TBL1X: variants seen among roughly 807,000 people sequenced by gnomAD.
TBL1X encodes the protein F-box-like/WD repeat-containing protein TBL1X.
Under a neutral mutation model 50.7 loss-of-function variants are expected in TBL1X, and 10 were observed. That is an observed-to-expected ratio of 0.20 (90% CI 0.12 to 0.33). TBL1X has a LOEUF of 0.33. Among genes scored for constraint, TBL1X ranks in the 10% least tolerant of loss-of-function variants. TBL1X has a pLI of 1.00. For synonymous variants in TBL1X, 190 were observed against 214.7 expected, an observed-to-expected ratio of 0.88 and a Z score of 1.01; for missense variants, 340 against 504.4, an observed-to-expected ratio of 0.67 and a Z score of 3.12.
intron 2 of TBL1X, among the ~76,000 whole-genome samples, chrX:9,537,059 CT>C (rs1310650347): frequency 9.0e-6 from 1 of 111,636 alleles, no homozygotes; most frequent in East Asian, 2.8e-4. Flanking sequence ...TACCAAAGAC[CT>C]CTCATGTAAT....
At chrX:9,693,804 C>T (rs1457728978) in intron 11 of TBL1X, among the ~76,000 whole-genome samples, 2 of 111,371 alleles carry the variant, frequency 1.8e-5, no homozygotes, top group South Asian at 3.9e-4. Context: ...CTTCAGGCTT[C>T]GGCTTTCCTC....
chrX:9,573,523 A>AT lies in TBL1X; in HGVS notation c.-130-66747dup, dbSNP rs763566349. On this transcript the variant is annotated intron_variant, in intron 2 of 17. Transcript: ENST00000645353. ...ATTCAGATAAGCAGGGAACAGATGG[A>AT]TTTATGGTGCTTGAAACCTCTGAAC... 1.7e-4 allele frequency among the ~76,000 whole-genome samples: 19 copies of AT among 112,766 alleles called. No individual in the cohort carries two copies. In the East Asian group the frequency reaches 5.3e-3, roughly 31 times the overall value.
chrX:9,631,959 G>T (rs1179498068), intron 2 of TBL1X, among the ~76,000 whole-genome samples: 2 of 112,288 alleles, frequency 1.8e-5, no homozygotes, highest in Non-Finnish European at 3.8e-5. Context: ...TTCTTTGAAA[G>T]ATATTTCATC....
chrX:9,467,035 C>T (rs746443023), intron 1 of TBL1X, among the ~76,000 whole-genome samples: 3 of 112,198 alleles, frequency 2.7e-5, no homozygotes, highest in African/African-American at 9.7e-5. Context: ...CAGAGAACTT[C>T]TCTCTGTCAG....
intron 1 of TBL1X, among the ~76,000 whole-genome samples, chrX:9,493,128 C>A (rs2081955890): frequency 9.0e-6 from 1 of 111,119 alleles, no homozygotes. Flanking sequence ...TGCCAGAATG[C>A]TTTCTAGGAA....
At chrX:9,482,368 A>G (rs1439327057) in intron 1 of TBL1X, among the ~76,000 whole-genome samples, 1 of 112,020 alleles carries the variant, frequency 8.9e-6, no homozygotes, top group Non-Finnish European at 1.9e-5. Context: ...TGCCTCTTAC[A>G]GAAGCTTAGC....
At chrX:9,687,517 GT>G (rs2083067002) in intron 6 of TBL1X, among the ~76,000 whole-genome samples, 1 of 111,176 alleles carries the variant, frequency 9.0e-6, no homozygotes, top group African/African-American at 3.3e-5. Context: ...TTGGGGCTGC[GT>G]GTTTCTCTGT....
At chrX:9,655,107 C>T (rs2082857975) in intron 5 of TBL1X, among the ~76,000 whole-genome samples, 1 of 111,589 alleles carries the variant, frequency 9.0e-6, no homozygotes, top group Admixed American at 9.5e-5. Context: ...TTTGTTATCT[C>T]CACGTGTTTA....
At position 9,648,271 on chromosome X, in the gene TBL1X, G is replaced by A. The variant is rs1196184524; in HGVS notation, c.-42-5274G>A. Among the ~76,000 whole-genome samples the A allele has an allele frequency of 1.0e-3, 117 of 112,121 alleles. 1 individual carries two copies. Among genetic ancestry groups the A allele is most frequent in the Non-Finnish European group, 3.0e-4 (16 of 53,196 alleles). On this transcript the variant is annotated intron_variant, in intron 3 of 17. Transcript: ENST00000645353. ...GTCATAACTGTCATAAGAAGTAATAGTTGCAATAAAAAGTAGTAATTGTAA... is the reference window on the plus strand; with the variant it reads ...GTCATAACTGTCATAAGAAGTAATAATTGCAATAAAAAGTAGTAATTGTAA...
chrX:9,691,809 C>T lies in TBL1X; in HGVS notation c.749+98C>T, dbSNP rs912821756. ...AGTTCTGCCTAAAGGAACACACACT[C>T]CCCTTCTTACCCCGGTGTGTGGGCA... On this transcript the variant is annotated intron_variant, in intron 8 of 17. Transcript: ENST00000645353. The T allele has an allele frequency of 2.8e-6, 3 of 1,063,074 alleles. No homozygotes were observed. In the Admixed American group the frequency reaches 8.0e-5, roughly 28 times the overall value. The allele number at this position is 1,063,074 out of a possible 1,213,427, so 87.6% of individuals were successfully genotyped here. A position where few individuals can be genotyped will look rare whatever the true frequency, so the allele number is the denominator to read the frequency against.
intron 2 of TBL1X, among the ~76,000 whole-genome samples, chrX:9,621,763 T>C (rs2082668035): frequency 8.9e-6 from 1 of 112,044 alleles, no homozygotes. Context: ...CACAAATTAA[T>C]ACAAATTTAA....
At chrX:9,616,954 T>C (rs1482462747) in intron 2 of TBL1X, among the ~76,000 whole-genome samples, 3 of 111,807 alleles carry the variant, frequency 2.7e-5, no homozygotes, top group Non-Finnish European at 5.6e-5. Context: ...CTTATACTTA[T>C]GGTGAACTTT....
chrX:9,533,871 G>A (rs2082174495), intron 2 of TBL1X, among the ~76,000 whole-genome samples: 1 of 111,456 alleles, frequency 9.0e-6, no homozygotes, highest in Admixed American at 9.5e-5. Context: ...TAGGTGCCAT[G>A]AAGGCTCTGC....
intron 2 of TBL1X, chrX:9,637,563 G>A (rs1168286157): frequency 2.7e-5 from 3 of 111,870 alleles, no homozygotes; most frequent in African/African-American, 6.5e-5. Context: ...CCTCCTGTTC[G>A]GGTAGAAAAG....
chrX:9,507,379 A>T (rs187252992), intron 2 of TBL1X, among the ~76,000 whole-genome samples: 92 of 111,748 alleles, frequency 8.2e-4, no homozygotes, highest in Non-Finnish European at 1.5e-3. Context: ...GAATACAAGT[A>T]ACAAGGGATG....
intron 2 of TBL1X, among the ~76,000 whole-genome samples, chrX:9,551,018 G>C (rs774059637): frequency 9.0e-6 from 1 of 111,472 alleles, no homozygotes; most frequent in East Asian, 2.8e-4. Context: ...AGAGGTGGAG[G>C]AACTGCCTCG....
chrX:9,705,214 C>G lies in TBL1X; in HGVS notation c.1236+100C>G, dbSNP rs146149162. On this transcript the variant is annotated intron_variant, in intron 13 of 17. Coordinates refer to ENST00000645353, the MANE Select transcript of TBL1X (RefSeq NM_005647.4). Reference sequence around the variant, plus strand: ...ATTAAAAGCTACTGCAGCAGCAGACCAGCTCTAATGTGCCCCTTGGCTATT... The same window carrying G: ...ATTAAAAGCTACTGCAGCAGCAGACGAGCTCTAATGTGCCCCTTGGCTATT... The G allele has an allele frequency of 5.2e-3, 6,047 of 1,155,781 alleles. 147 individuals carry two copies. The African/African-American group carries it at 0.09, about 17-fold the overall frequency.
At chrX:9,616,021 A>G (rs760611300) in intron 2 of TBL1X, among the ~76,000 whole-genome samples, 1 of 112,335 alleles carries the variant, frequency 8.9e-6, no homozygotes, top group Non-Finnish European at 1.9e-5. Flanking sequence ...GAAGACAGCC[A>G]TGAACAGACC....
chrX:9,679,111 C>A (rs1305893056), intron 5 of TBL1X, among the ~76,000 whole-genome samples: 1 of 107,784 alleles, frequency 9.3e-6, no homozygotes, highest in Non-Finnish European at 1.9e-5. Context: ...GGTCTATGAC[C>A]AATTGCATGC....
Sources: allele counts gnomAD v4.1 joint callset (sites outside exome capture counted in the v4.1 genomes callset), GRCh38; gene constraint gnomAD v4.1.1; transcripts MANE v1.5; gene names NCBI Gene and HGNC (gene_info 2026-07-23, HGNC 2026-07-21).